Variants in PDZRN4 observed in about 807,000 individuals in gnomAD.
The protein encoded by PDZRN4 is PDZ domain containing ring finger 4.
A neutral mutation model predicts 99.0 loss-of-function variants in PDZRN4; 70 were observed. That is an observed-to-expected ratio of 0.71 (90% CI 0.58 to 0.86). PDZRN4 has a LOEUF of 0.86. Ranked by LOEUF, PDZRN4 falls within the 40% of genes least tolerant of loss-of-function variation. The pLI is 0.00. For missense variants in PDZRN4, 1,474 were observed against 1,331.2 expected, an observed-to-expected ratio of 1.11 and a Z score of -1.67; for synonymous variants, 551 against 501.6, an observed-to-expected ratio of 1.10 and a Z score of -1.32.
intron 3 of PDZRN4, among the ~76,000 whole-genome samples, chr12:41,298,062 A>T (rs75254505): frequency 0.011 from 1,636 of 152,252 alleles, 31 homozygotes; most frequent in African/African-American, 0.037. Flanking sequence ...TCTGTCCTAC[A>T]GAATACAGAA....
intron 3 of PDZRN4, among the ~76,000 whole-genome samples, chr12:41,387,655 G>C (rs548251779): frequency 6.6e-6 from 1 of 152,028 alleles, no homozygotes; most frequent in Non-Finnish European, 1.5e-5. Context: ...GACATACAGC[G>C]GCCAACAATC....
In PDZRN4 at chr12:41,273,199, A is replaced by C. The variant is rs1389117426; in HGVS notation, c.843+79011A>C. ...AGTAATGTTAGGCACTATGGATAGA[A>C]ATATCAAAGAGGCTCAGTTTCTTCT... On this transcript the variant is annotated intron_variant, in intron 3 of 9. Coordinates refer to ENST00000402685, the MANE Select transcript of PDZRN4 (RefSeq NM_001164595.2). Among the ~76,000 whole-genome samples, 3 of 152,188 alleles carry C rather than the reference A, an allele frequency of 2.0e-5. No individual in the cohort carries two copies. The East Asian group carries it at 5.8e-4, about 29-fold the overall frequency.
At chr12:41,227,876 TACACACACAC>T (rs138441771) in intron 3 of PDZRN4, among the ~76,000 whole-genome samples, 2,983 of 94,196 alleles carry the variant, frequency 0.032, 40 homozygotes, top group East Asian at 0.089. Context: ...AGCAAAAATC[TACACACACAC>T]ACACACACAC....
intron 3 of PDZRN4, among the ~76,000 whole-genome samples, chr12:41,407,657 G>C (rs1435580020): frequency 6.6e-6 from 1 of 151,702 alleles, no homozygotes; most frequent in African/African-American, 2.4e-5. Context: ...AAAGATTAAA[G>C]GCAGGTTCAG....
At chr12:41,567,421 T>C (rs940330549) in intron 8 of PDZRN4, among the ~76,000 whole-genome samples, 6 of 152,228 alleles carry the variant, frequency 3.9e-5, no homozygotes, top group African/African-American at 1.2e-4. Context: ...CATAGCCCAA[T>C]TAGTAGCATG....
intron 3 of PDZRN4, among the ~76,000 whole-genome samples, chr12:41,341,366 C>CA (rs972926673): frequency 1.9e-4 from 29 of 151,430 alleles, no homozygotes; most frequent in African/African-American, 6.8e-4. Context: ...AGCAATTAGG[C>CA]AAAAAAAGAA....
chr12:41,337,431 C>T (rs1385847629), intron 3 of PDZRN4, among the ~76,000 whole-genome samples: 1 of 152,014 alleles, frequency 6.6e-6, no homozygotes. Context: ...AAGAGTACCA[C>T]CAAAAATGGG....
chr12:41,371,973 A>G (rs1952045671), intron 3 of PDZRN4, among the ~76,000 whole-genome samples: 1 of 151,856 alleles, frequency 6.6e-6, no homozygotes, highest in Non-Finnish European at 1.5e-5. Flanking sequence ...GCAAGTCTAT[A>G]CTCCTACTAG....
intron 8 of PDZRN4, among the ~76,000 whole-genome samples, chr12:41,567,084 G>A (rs1939385760): frequency 6.6e-6 from 1 of 152,126 alleles, no homozygotes; most frequent in Admixed American, 6.6e-5. Context: ...ACAAAACCCT[G>A]CATGCCCCAC....
chr12:41,422,175 C>G (rs1350186657), intron 3 of PDZRN4, among the ~76,000 whole-genome samples: 1 of 151,992 alleles, frequency 6.6e-6, no homozygotes, highest in Non-Finnish European at 1.5e-5. Flanking sequence ...TATGCTATAC[C>G]TAGGGAAATA....
chr12:41,328,678 A>AT (rs1199471119), intron 3 of PDZRN4, among the ~76,000 whole-genome samples: 1 of 152,142 alleles, frequency 6.6e-6, no homozygotes, highest in East Asian at 1.9e-4. Context: ...GCCCATCAGC[A>AT]TGGAGGATGG....
chr12:41,417,978 A>C (rs1952457939), intron 3 of PDZRN4, among the ~76,000 whole-genome samples: 2 of 152,198 alleles, frequency 1.3e-5, no homozygotes, highest in South Asian at 4.1e-4. Flanking sequence ...TCCTTGCAAC[A>C]AATAATCGTC....
chr12:41,276,402 A>T (rs1951350081), intron 3 of PDZRN4, among the ~76,000 whole-genome samples: 1 of 152,054 alleles, frequency 6.6e-6, no homozygotes, highest in South Asian at 2.1e-4. Context: ...TAACGAGTAG[A>T]CCCTGGCCTC....
chr12:41,195,677 G>A (rs757221970), intron 3 of PDZRN4, among the ~76,000 whole-genome samples: 5 of 152,030 alleles, frequency 3.3e-5, no homozygotes, highest in Non-Finnish European at 5.9e-5. Context: ...TTTTGTTGCC[G>A]AGAAAGTGCA....
intron 3 of PDZRN4, among the ~76,000 whole-genome samples, chr12:41,418,160 G>A (rs1179611766): frequency 2.6e-5 from 4 of 152,062 alleles, no homozygotes; most frequent in Non-Finnish European, 5.9e-5. Context: ...ATTTATAACT[G>A]ACATTGACAA....
intron 3 of PDZRN4, among the ~76,000 whole-genome samples, chr12:41,372,873 G>A (rs1007326818): frequency 6.6e-6 from 1 of 152,116 alleles, no homozygotes; most frequent in Non-Finnish European, 1.5e-5. Flanking sequence ...AATTTAAAAA[G>A]CTTTTACCCA....
At chr12:41,239,308 C>T (rs116758950) in intron 3 of PDZRN4, among the ~76,000 whole-genome samples, 2,339 of 152,112 alleles carry the variant, frequency 0.015, 64 homozygotes, top group African/African-American at 0.054. Flanking sequence ...ACACTGGGGC[C>T]TGTTGGGTGG....
At chr12:41,411,647 C>A (rs376719954) in intron 3 of PDZRN4, 12 of 152,108 alleles carry the variant, frequency 7.9e-5, no homozygotes, top group Non-Finnish European at 1.5e-4. Context: ...TTGATCCTAC[C>A]GTGTTATTGC....
Position 41,573,081 on chromosome 12 carries a change from A to C in PDZRN4, c.2302A>C (p.Asn768His). ...SSLPRVINLT[N>H]KKNLRSTMAA... ...CCTTCCAAGGGTGATCAACCTCACC[A>C]ATAAGAAAAACCTGAGAAGCACAAT... The change falls in exon 10 of 10, where the codon AAT becomes CAT. Residue 768 changes from asparagine (N) to histidine (H), a missense_variant. Asn to His is a moderately conservative substitution (Grantham distance 68, BLOSUM62 1). Coordinates refer to ENST00000402685, the MANE Select transcript of PDZRN4 (RefSeq NM_001164595.2). 1 of 1,614,114 alleles carries C rather than the reference A, an allele frequency of 6.2e-7. No homozygotes were observed. The highest frequency in any genetic ancestry group is 8.5e-7 in the Non-Finnish European group (1 of 1,179,994).
Sources: gnomAD v4.1 joint callset for allele counts (sites outside exome capture counted in the v4.1 genomes callset) on GRCh38, gnomAD v4.1.1 for gene constraint, MANE v1.5 for transcripts, NCBI Gene and HGNC (gene_info 2026-07-23, HGNC 2026-07-21) for gene names.